Variants in OTOGL observed in about 807,000 individuals in gnomAD.
OTOGL encodes otogelin-like protein.
Under a neutral mutation model 318.5 loss-of-function variants are expected in OTOGL, and 285 were observed. The observed-to-expected ratio is 0.89, with a 90% CI of 0.81 to 0.99. The LOEUF is 0.99. Among genes scored for constraint, OTOGL ranks in the 50% least tolerant of loss-of-function variants. OTOGL has a pLI of 0.00. For missense variants in OTOGL, 2,899 were observed against 2,845.6 expected (o/e 1.02, Z -0.43); for synonymous variants, 987 against 936.5 (o/e 1.05, Z -0.99).
intron 5 of OTOGL, among the ~76,000 whole-genome samples, 176 bp from the exon 6 acceptor site, chr12:80,219,638 A>G (rs1284627554): frequency 6.6e-6 from 1 of 152,200 alleles, no homozygotes; most frequent in Non-Finnish European, 1.5e-5. Context: ...ACACATAATA[A>G]AATGAACTAG....
intron 11 of OTOGL, among the ~76,000 whole-genome samples, chr12:80,241,655 G>A (rs900594469): frequency 2.6e-5 from 4 of 151,974 alleles, no homozygotes; most frequent in African/African-American, 7.3e-5. Context: ...ATATTGTTTT[G>A]TAGGTCCAGG....
chr12:80,175,227 C>G (rs1038504790), intron 1 of OTOGL, among the ~76,000 whole-genome samples: 7 of 152,202 alleles, frequency 4.6e-5, no homozygotes, highest in Admixed American at 1.3e-4. Context: ...AATTTAGTAT[C>G]TATTTATAAA....
At chr12:80,132,000 C>T (rs1871269288) in intron 1 of OTOGL, 1 of 152,178 alleles carries the variant, frequency 6.6e-6, no homozygotes, top group African/African-American at 2.4e-5. Flanking sequence ...TTAACTACTC[C>T]AGTTAGTATC....
At chr12:80,300,198 TCG>T (rs1698832487) in intron 27 of OTOGL, among the ~76,000 whole-genome samples, 1 of 150,810 alleles carries the variant, frequency 6.6e-6, no homozygotes, top group Non-Finnish European at 1.5e-5. Flanking sequence ...TCTCGATGTG[TCG>T]TGGTTTTTTT....
chr12:80,124,339 G>T (rs905813975), intron 1 of OTOGL, among the ~76,000 whole-genome samples: 1 of 152,184 alleles, frequency 6.6e-6, no homozygotes, highest in Admixed American at 6.5e-5. Context: ...TCGAAGATCA[G>T]ATAGTTGTAG....
chr12:80,236,741 G>T (rs1879881651), intron 9 of OTOGL, among the ~76,000 whole-genome samples: 1 of 151,798 alleles, frequency 6.6e-6, no homozygotes, highest in South Asian at 2.1e-4. Flanking sequence ...AGACAAAGCA[G>T]CAGGCCAGAC....
At chr12:80,169,180 G>A (rs527833327) in intron 1 of OTOGL, among the ~76,000 whole-genome samples, 2 of 152,252 alleles carry the variant, frequency 1.3e-5, no homozygotes, top group East Asian at 1.9e-4. Flanking sequence ...TTTGAAACCT[G>A]TGAATAACCT....
chr12:80,111,297 G>A lies in OTOGL; in HGVS notation c.-20+11692G>A, dbSNP rs964006618. 2.6e-5 allele frequency among the ~76,000 whole-genome samples: 4 copies of A among 152,164 alleles called. 1 individual carries two copies. The highest frequency in any genetic ancestry group is 4.8e-5 in the African/African-American group (2 of 41,450). ...TTGGCTCTTGTTGCCATTGCTTTTG[G>A]TGTTTTAGTCATGAAGTCTTTGCCC... is the stretch of plus-strand genomic sequence containing the variant. On this transcript the variant is annotated intron_variant, in intron 1 of 58. Coordinates refer to ENST00000547103, the MANE Select transcript of OTOGL (RefSeq NM_001378609.3).
At chr12:80,352,197 C>A in intron 44 of OTOGL, 98 bp from the exon 45 acceptor site, 1 of 1,113,256 alleles carries the variant, frequency 9.0e-7, no homozygotes, top group Non-Finnish European at 1.3e-6. Flanking sequence ...TGAATATTAA[C>A]TTGCTACCCT....
In OTOGL at chr12:80,352,330, C is replaced by A. The variant is rs1185632089; in HGVS notation, c.5301C>A (p.Ile1767=). The change falls in exon 45 of 59, where the codon ATC becomes ATA. Residue 1767 remains isoleucine, a synonymous_variant. Transcript: ENST00000547103. Reference sequence around the variant, plus strand: ...AAGACTTTTGTGAAAAGATGTGGATCAATTATACCTATTTTTGGAACTATG... The same window carrying A: ...AAGACTTTTGTGAAAAGATGTGGATAAATTATACCTATTTTTGGAACTATG... ...SPEDFCEKMW[I]NYTYFWNYEC... 2.5e-6 allele frequency: 4 copies of A among 1,611,200 alleles called. No homozygotes were observed. Among genetic ancestry groups the A allele is most frequent in the Non-Finnish European group, 3.4e-6 (4 of 1,179,052 alleles).
At chr12:80,201,453 G>C (rs1356699952) in intron 1 of OTOGL, among the ~76,000 whole-genome samples, 2 of 152,074 alleles carry the variant, frequency 1.3e-5, no homozygotes, top group African/African-American at 4.8e-5. Flanking sequence ...TTAGCAACCA[G>C]ATCTCATGGT....
chr12:80,229,976 T>C (rs1879220334), intron 8 of OTOGL, among the ~76,000 whole-genome samples: 1 of 151,474 alleles, frequency 6.6e-6, no homozygotes, highest in South Asian at 2.1e-4. Flanking sequence ...GGGGATGTTT[T>C]CGTATTTGGT....
chr12:80,100,106 C>T (rs1468530529), intron 1 of OTOGL, among the ~76,000 whole-genome samples: 8 of 152,172 alleles, frequency 5.3e-5, no homozygotes, highest in African/African-American at 1.9e-4. Context: ...GCAGAAATCC[C>T]TTCTATCCAT....
At chr12:80,149,253 TG>T (rs1180739419) in intron 1 of OTOGL, among the ~76,000 whole-genome samples, 1 of 152,110 alleles carries the variant, frequency 6.6e-6, no homozygotes, top group Non-Finnish European at 1.5e-5. Context: ...CCTTTCTGTT[TG>T]TTAGTTTTCC....
At chr12:80,376,050 A>G (rs930426558) in intron 57 of OTOGL, among the ~76,000 whole-genome samples, 14 of 152,062 alleles carry the variant, frequency 9.2e-5, no homozygotes, top group Non-Finnish European at 5.9e-5. Context: ...AACTTAAAGT[A>G]TAATAATAAT....
In OTOGL at chr12:80,315,554, AT is replaced by A. The variant is rs1373427217; in HGVS notation, c.3634+1227del. Among the ~76,000 whole-genome samples, 3 of 152,288 alleles carry A rather than the reference AT, an allele frequency of 2.0e-5. No homozygotes were observed. In the East Asian group the frequency reaches 5.8e-4, roughly 29 times the overall value. ...AGTAAGGTGATCTAGGGAAGTATCC[AT>A]TTTGTCAGTAAATGGGTGAACTCTG... On this transcript the variant is annotated intron_variant, in intron 32 of 58. Transcript: ENST00000547103.
chr12:80,373,267 A>T (rs1348647220), intron 57 of OTOGL, among the ~76,000 whole-genome samples: 1 of 152,094 alleles, frequency 6.6e-6, no homozygotes, highest in South Asian at 2.1e-4. Flanking sequence ...CCCCGTCTCT[A>T]CTAAAAATAC....
Position 80,341,940 on chromosome 12 carries a change from C to G in OTOGL, c.5051-8C>G, listed in dbSNP as rs1888794412. 2 of 1,580,060 alleles carry G rather than the reference C, an allele frequency of 1.3e-6. No individual in the cohort carries two copies. The highest frequency in any genetic ancestry group is 1.7e-5 in the Admixed American group (1 of 57,536). On this transcript the variant is annotated splice_region_variant and splice_polypyrimidine_tract_variant and intron_variant, in intron 43 of 58. Coordinates refer to ENST00000547103, the MANE Select transcript of OTOGL (RefSeq NM_001378609.3). ...TTTTTTCTTCTAACTGTCATATATT[C>G]TTTCAAGGAATTTGCAATGAAGATC...
Position 80,335,922 on chromosome 12 carries a change from G to A in OTOGL, c.4423-41G>A. ...ATTTAAAAATCAATTAAAAACATTA[G>A]CTGAGAATGAAAAAACCCACTAATC... On this transcript the variant is annotated intron_variant, in intron 38 of 58. Coordinates refer to ENST00000547103, the MANE Select transcript of OTOGL (RefSeq NM_001378609.3). 3.4e-6 allele frequency: 5 copies of A among 1,470,500 alleles called. No individual in the cohort carries two copies. The South Asian group carries it at 5.5e-5, about 16-fold the overall frequency. 91.1% of individuals were successfully genotyped at this position (1,470,500 alleles called of 1,614,324 possible). A position where few individuals can be genotyped will look rare whatever the true frequency, so the allele number is the denominator to read the frequency against.
Sources: allele counts gnomAD v4.1 joint callset (sites outside exome capture counted in the v4.1 genomes callset), GRCh38; gene constraint gnomAD v4.1.1; transcripts MANE v1.5; gene names NCBI Gene and HGNC (gene_info 2026-07-23, HGNC 2026-07-21).